Variants in GRIN2B observed in about 807,000 individuals in gnomAD.
GRIN2B encodes the protein glutamate ionotropic receptor NMDA type subunit 2B.
A neutral mutation model predicts 114.5 loss-of-function variants in GRIN2B; 5 were observed. The observed-to-expected ratio is 0.04, with a 90% CI of 0.02 to 0.09. The LOEUF (loss-of-function observed/expected upper bound fraction) is 0.09. GRIN2B is among the 10% of genes least tolerant of loss of function. The pLI is 1.00. For synonymous variants in GRIN2B, 787 were observed against 745.1 expected (o/e 1.06, Z -0.92); for missense variants, 1,108 against 1,943.5 (o/e 0.57, Z 8.08).
chr12:13,611,737 C>A lies in GRIN2B; in HGVS notation c.1768G>T (p.Ala590Ser). 1 of 1,613,808 alleles carries A rather than the reference C, an allele frequency of 6.2e-7. No homozygotes were observed. Among genetic ancestry groups the A allele is most frequent in the Non-Finnish European group, 8.5e-7 (1 of 1,179,734 alleles). The change falls in exon 9 of 14, where the codon GCT becomes TCT. Residue 590 changes from alanine (A) to serine (S), a missense_variant. Transcript: ENST00000609686. The stretch of plus-strand genomic sequence containing the variant: ...CAGCCGGCCTTACCTCTGCCATCAG[C>A]GAGGCACCTGTTATAACCCACAGGG... ...FSPVGYNRCL[A>S]DGREPGGPSF...
At chr12:13,792,461 CA>C (rs1391245266) in intron 3 of GRIN2B, among the ~76,000 whole-genome samples, 13 of 152,194 alleles carry the variant, frequency 8.5e-5, no homozygotes, top group African/African-American at 2.9e-4. Context: ...AAGTAAAAAC[CA>C]AAGGAGCTTT....
At chr12:13,952,356 C>T (rs1025152852) in intron 2 of GRIN2B, among the ~76,000 whole-genome samples, 1 of 152,170 alleles carries the variant, frequency 6.6e-6, no homozygotes, top group Non-Finnish European at 1.5e-5. Context: ...CACCTTTATA[C>T]AGTGTCCGCA....
At chr12:13,805,166 A>G (rs1465525880) in intron 3 of GRIN2B, among the ~76,000 whole-genome samples, 1 of 152,184 alleles carries the variant, frequency 6.6e-6, no homozygotes, top group Non-Finnish European at 1.5e-5. Flanking sequence ...TCTGTGAAGT[A>G]GATCTGTATA....
chr12:13,695,405 GAAGT>G (rs1381379211), intron 4 of GRIN2B, among the ~76,000 whole-genome samples: 1 of 152,174 alleles, frequency 6.6e-6, no homozygotes, highest in African/African-American at 2.4e-5. Flanking sequence ...GTTTTATAGA[GAAGT>G]AAGAACATAA....
At chr12:13,957,733 C>T (rs979750458) in intron 2 of GRIN2B, among the ~76,000 whole-genome samples, 1 of 152,210 alleles carries the variant, frequency 6.6e-6, no homozygotes, top group African/African-American at 2.4e-5. Flanking sequence ...TCGGCTCCCT[C>T]ATCTCTCTTG....
At chr12:13,819,530 A>C (rs77312818) in intron 3 of GRIN2B, among the ~76,000 whole-genome samples, 6,926 of 152,264 alleles carry the variant, frequency 0.045, 217 homozygotes, top group Admixed American at 0.069. Flanking sequence ...TTCCTAGTTC[A>C]AAAATTTTCA....
At chr12:13,680,884 C>G (rs1401107378) in intron 4 of GRIN2B, among the ~76,000 whole-genome samples, 1 of 152,102 alleles carries the variant, frequency 6.6e-6, no homozygotes, top group Non-Finnish European at 1.5e-5. Flanking sequence ...ATTAATCTAC[C>G]TGCTTGCCTG....
At chr12:13,597,691 T>C (rs1369205501) in intron 10 of GRIN2B, among the ~76,000 whole-genome samples, 1 of 152,162 alleles carries the variant, frequency 6.6e-6, no homozygotes, top group Non-Finnish European at 1.5e-5. Flanking sequence ...CTTTCTCGCT[T>C]TCATAAATTC....
At chr12:13,763,378 C>T (rs140489223) in intron 3 of GRIN2B, among the ~76,000 whole-genome samples, 17 of 152,262 alleles carry the variant, frequency 1.1e-4, no homozygotes, top group Middle Eastern at 3.4e-3. Flanking sequence ...GTGCCTCCCA[C>T]GTACTCAATC....
chr12:13,745,757 T>C (rs1863368391), intron 4 of GRIN2B, among the ~76,000 whole-genome samples: 1 of 152,226 alleles, frequency 6.6e-6, no homozygotes, highest in Non-Finnish European at 1.5e-5. Flanking sequence ...GCTTCCTTAA[T>C]GTGCTGCACA....
chr12:13,593,560 G>A (rs1428195343), intron 10 of GRIN2B, among the ~76,000 whole-genome samples: 4 of 152,130 alleles, frequency 2.6e-5, no homozygotes, highest in East Asian at 1.9e-4. Context: ...ATGGCTTAAT[G>A]ACTTAAATGT....
At chr12:13,565,033 C>A (rs1948619822) in intron 13 of GRIN2B, among the ~76,000 whole-genome samples, 1 of 152,186 alleles carries the variant, frequency 6.6e-6, no homozygotes. Context: ...TCATCAGCCT[C>A]CTGGAAATAA....
At position 13,780,868 on chromosome 12, in the gene GRIN2B, T is replaced by G. The variant is rs1864098901; in HGVS notation, c.412-26953A>C. Among the ~76,000 whole-genome samples, 2 of 151,274 alleles carry G rather than the reference T, an allele frequency of 1.3e-5. 1 individual carries two copies. Among genetic ancestry groups the G allele is most frequent in the South Asian group, 4.2e-4 (2 of 4,812 alleles). ...AAAAAAAAGCCTTTACAGAGATGTT[T>G]GCATAGTTAAGTGGCATGGTTTATA... On this transcript the variant is annotated intron_variant, in intron 3 of 13. Coordinates refer to ENST00000609686, the MANE Select transcript of GRIN2B (RefSeq NM_000834.5).
rs555189360 is a variant in GRIN2B, at chr12:13,820,321, G to C, written c.411+45477C>G. Among the ~76,000 whole-genome samples, 4 of 152,270 alleles carry C rather than the reference G, an allele frequency of 2.6e-5. No individual in the cohort carries two copies. The South Asian group carries it at 6.2e-4, about 24-fold the overall frequency. The stretch of plus-strand genomic sequence containing the variant: ...TACTTCTCTGGTCTACAGTACAGTG[G>C]AGAAGACGTTGTCATTTCTCTGACC... On this transcript the variant is annotated intron_variant, in intron 3 of 13. Coordinates refer to ENST00000609686, the MANE Select transcript of GRIN2B (RefSeq NM_000834.5).
At chr12:13,603,508 G>A (rs1266237704) in intron 10 of GRIN2B, among the ~76,000 whole-genome samples, 1 of 151,978 alleles carries the variant, frequency 6.6e-6, no homozygotes, top group African/African-American at 2.4e-5. Flanking sequence ...GATATTAATA[G>A]CACCATTATA....
At chr12:13,823,927 T>TA (rs1864983941) in intron 3 of GRIN2B, among the ~76,000 whole-genome samples, 1 of 152,178 alleles carries the variant, frequency 6.6e-6, no homozygotes, top group Non-Finnish European at 1.5e-5. Flanking sequence ...TTCATATTAA[T>TA]ATAATGAATT....
intron 5 of GRIN2B, among the ~76,000 whole-genome samples, chr12:13,637,144 G>C (rs559709960): frequency 6.6e-6 from 1 of 152,114 alleles, no homozygotes; most frequent in Non-Finnish European, 1.5e-5. Context: ...AGAATATTTT[G>C]CAAGTTGAAA....
intron 2 of GRIN2B, among the ~76,000 whole-genome samples, chr12:13,880,262 C>T (rs997182909): frequency 3.9e-4 from 59 of 152,264 alleles, no homozygotes; most frequent in Admixed American, 3.6e-3. Flanking sequence ...ATGAGGCTGC[C>T]TTAAGTCAGA....
intron 5 of GRIN2B, among the ~76,000 whole-genome samples, chr12:13,628,988 G>A (rs1280773881): frequency 6.6e-6 from 1 of 152,018 alleles, no homozygotes; most frequent in African/African-American, 2.4e-5. Context: ...AGAGGTCAAA[G>A]TCATTTAAAA....
Sources: allele counts gnomAD v4.1 joint callset (sites outside exome capture counted in the v4.1 genomes callset), GRCh38; gene constraint gnomAD v4.1.1; transcripts MANE v1.5; gene names NCBI Gene and HGNC (gene_info 2026-07-23, HGNC 2026-07-21).